The following PTCHD4 variants were observed in gnomAD, a reference collection of about 807,000 sequenced individuals.
PTCHD4 encodes the protein patched domain-containing protein 4.
Under a neutral mutation model 58.1 loss-of-function variants are expected in PTCHD4, and 33 were observed. The ratio of observed to expected loss-of-function variants is 0.57; its 90% CI spans 0.43 to 0.76. The LOEUF (loss-of-function observed/expected upper bound fraction) is 0.76, where lower values mean the gene tolerates loss of function less well. Ranked by LOEUF, PTCHD4 falls within the 30% of genes least tolerant of loss-of-function variation. PTCHD4 has a pLI of 0.00. For missense variants in PTCHD4, 1,058 were observed against 1,027.1 expected (o/e 1.03, Z -0.41); for synonymous variants, 478 against 409.6 (o/e 1.17, Z -2.02).
intron 4 of PTCHD4, among the ~76,000 whole-genome samples, chr6:47,990,117 C>T (rs1460800940): frequency 6.6e-6 from 1 of 152,014 alleles, no homozygotes; most frequent in Non-Finnish European, 1.5e-5. Context: ...GATTTCAGAC[C>T]CCTTTGTTTT....
chr6:48,074,142 T>C (rs945254876), intron 1 of PTCHD4, among the ~76,000 whole-genome samples: 6 of 152,026 alleles, frequency 3.9e-5, no homozygotes, highest in Non-Finnish European at 8.8e-5. Flanking sequence ...CTCAGGCCTC[T>C]TGTATGCAGA....
At chr6:47,955,902 C>T (rs1766840167) in intron 4 of PTCHD4, among the ~76,000 whole-genome samples, 1 of 152,148 alleles carries the variant, frequency 6.6e-6, no homozygotes, top group Non-Finnish European at 1.5e-5. Flanking sequence ...GGTATAGAGC[C>T]ATCATTCACT....
chr6:47,983,689 G>A (rs1192155550), intron 4 of PTCHD4, among the ~76,000 whole-genome samples: 1 of 152,058 alleles, frequency 6.6e-6, no homozygotes, highest in Non-Finnish European at 1.5e-5. Context: ...GTAAATTACC[G>A]ATGACCTTAG....
rs576523346 is a variant in PTCHD4, at chr6:47,952,837, T to G, written c.898+55797A>C. ...ACAAAATCATCTAATGATGCATTTCTCAGAACATTTCTCTGTCATTAGATG... is the reference window on the plus strand; with the variant it reads ...ACAAAATCATCTAATGATGCATTTCGCAGAACATTTCTCTGTCATTAGATG... On this transcript the variant is annotated intron_variant, in intron 4 of 4. Transcript: ENST00000339488. Among the ~76,000 whole-genome samples the G allele has an allele frequency of 7.2e-5, 11 of 152,190 alleles. No homozygotes were observed. In the South Asian group the frequency reaches 2.3e-3, roughly 32 times the overall value.
chr6:48,038,423 CTT>C (rs1763723931), intron 3 of PTCHD4, among the ~76,000 whole-genome samples: 1 of 151,940 alleles, frequency 6.6e-6, no homozygotes, highest in Non-Finnish European at 1.5e-5. Flanking sequence ...GGGCAGATCA[CTT>C]GAGGTCAGAA....
intron 1 of PTCHD4, among the ~76,000 whole-genome samples, chr6:48,082,825 A>G (rs1356054122): frequency 6.6e-6 from 1 of 152,106 alleles, no homozygotes; most frequent in Non-Finnish European, 1.5e-5. Flanking sequence ...AAATGTATAT[A>G]ACGAATGGTA....
At position 48,087,581 on chromosome 6, in the gene PTCHD4, A is replaced by G. The variant is rs189975078; in HGVS notation, c.-969-17655T>C. ...AAATAGTCCTAGGTGGGCAGTAATC[A>G]TTGTTACAGGGTTCTAGGTAAACTA... On this transcript the variant is annotated intron_variant, in intron 1 of 4. Coordinates refer to ENST00000339488, the MANE Select transcript of PTCHD4 (RefSeq NM_001384253.1). Among the ~76,000 whole-genome samples the G allele has an allele frequency of 3.2e-3, 490 of 152,330 alleles. 1 individual carries two copies. The highest frequency in any genetic ancestry group is 6.8e-3 in the Admixed American group (104 of 15,298).
intron 4 of PTCHD4, among the ~76,000 whole-genome samples, chr6:47,983,617 A>C (rs931084677): frequency 6.6e-6 from 1 of 152,202 alleles, no homozygotes; most frequent in Non-Finnish European, 1.5e-5. Flanking sequence ...TAAAAGGATA[A>C]AATGATGGTA....
intron 4 of PTCHD4, among the ~76,000 whole-genome samples, chr6:47,994,815 G>A (rs1313060859): frequency 6.6e-6 from 1 of 152,194 alleles, no homozygotes; most frequent in East Asian, 1.9e-4. Flanking sequence ...TGTTGGTAAT[G>A]GCATTTGGAT....
intron 4 of PTCHD4, among the ~76,000 whole-genome samples, chr6:47,932,867 T>A (rs1765871081): frequency 6.6e-6 from 1 of 152,226 alleles, no homozygotes; most frequent in South Asian, 2.1e-4. Flanking sequence ...GGTAATAAAA[T>A]AATTCACCTC....
intron 4 of PTCHD4, among the ~76,000 whole-genome samples, chr6:47,974,820 T>C (rs1767635020): frequency 6.6e-6 from 1 of 152,188 alleles, no homozygotes; most frequent in African/African-American, 2.4e-5. Context: ...AGCAAGGAAG[T>C]TGGACAATAG....
rs562474828 is a variant in PTCHD4, at chr6:47,914,001, A to G, written c.899-34065T>C. On this transcript the variant is annotated intron_variant, in intron 4 of 4. Transcript: ENST00000339488. The stretch of plus-strand genomic sequence containing the variant: ...TGTGATGTACAAGTGTTAACATAAT[A>G]GTGATTTTTTTTCTCTCATGTTTGT... Among the ~76,000 whole-genome samples the G allele has an allele frequency of 5.6e-4, 85 of 152,262 alleles. 2 individuals carry two copies. In the South Asian group the frequency reaches 0.017, roughly 30 times the overall value.
intron 4 of PTCHD4, among the ~76,000 whole-genome samples, chr6:47,994,652 C>G (rs185200318): frequency 6.6e-6 from 1 of 152,278 alleles, no homozygotes; most frequent in East Asian, 1.9e-4. Context: ...TATGAAACAG[C>G]CTTGTGTATT....
chr6:48,035,051 G>C (rs1326888525), intron 3 of PTCHD4, among the ~76,000 whole-genome samples: 1 of 152,092 alleles, frequency 6.6e-6, no homozygotes, highest in Non-Finnish European at 1.5e-5. Flanking sequence ...ATACCAAAAT[G>C]TATATCAAAT....
chr6:48,051,983 G>A (rs1764249303), intron 3 of PTCHD4, among the ~76,000 whole-genome samples: 1 of 151,908 alleles, frequency 6.6e-6, no homozygotes, highest in Non-Finnish European at 1.5e-5. Flanking sequence ...CTTCTTTCCT[G>A]ACTAGATTGT....
intron 4 of PTCHD4, among the ~76,000 whole-genome samples, chr6:47,965,989 T>G (rs1232709308): frequency 6.6e-6 from 1 of 152,142 alleles, no homozygotes; most frequent in Non-Finnish European, 1.5e-5. Flanking sequence ...AAGTTCCCAT[T>G]TGATGTAAGT....
chr6:48,061,387 A>T (rs1175637342), intron 3 of PTCHD4, among the ~76,000 whole-genome samples: 1 of 152,202 alleles, frequency 6.6e-6, no homozygotes, highest in East Asian at 1.9e-4. Flanking sequence ...TGGTGTTTCC[A>T]TGATAACACC....
At chr6:47,969,334 G>T (rs991701685) in intron 4 of PTCHD4, among the ~76,000 whole-genome samples, 1 of 152,192 alleles carries the variant, frequency 6.6e-6, no homozygotes, top group Admixed American at 6.5e-5. Context: ...CCTATCAAGC[G>T]TGCATTTACT....
At chr6:47,881,475 G>C (rs1262016720) in intron 4 of PTCHD4, among the ~76,000 whole-genome samples, 2 of 152,154 alleles carry the variant, frequency 1.3e-5, no homozygotes, top group South Asian at 4.1e-4. Context: ...GTTTGAAATA[G>C]TATAATGAAG....
Sources: allele counts gnomAD v4.1 joint callset (sites outside exome capture counted in the v4.1 genomes callset), GRCh38; gene constraint gnomAD v4.1.1; transcripts MANE v1.5; gene names NCBI Gene and HGNC (gene_info 2026-07-23, HGNC 2026-07-21).